The following LMNB2 variants were observed in gnomAD, a reference collection of about 807,000 sequenced individuals.
LMNB2 encodes the protein lamin B2.
Under a neutral mutation model 69.3 loss-of-function variants are expected in LMNB2, and 17 were observed. The observed-to-expected ratio is 0.25, with a 90% CI of 0.17 to 0.37. The LOEUF (loss-of-function observed/expected upper bound fraction) is 0.37. Ranked by LOEUF, LMNB2 falls within the 10% of genes least tolerant of loss-of-function variation. The pLI is 1.00. For missense variants in LMNB2, 789 were observed against 883.6 expected, an observed-to-expected ratio of 0.89 and a Z score of 1.36; for synonymous variants, 397 against 389.3, an observed-to-expected ratio of 1.02 and a Z score of -0.23.
At chr19:2,440,163 G>A (rs1971879931) in intron 2 of LMNB2, among the ~76,000 whole-genome samples, 1 of 150,834 alleles carries the variant, frequency 6.6e-6, no homozygotes, top group African/African-American at 2.4e-5. Flanking sequence ...ATCTATGTCC[G>A]TATATATCAA....
Position 2,430,803 on chromosome 19 carries a change from G to C in LMNB2, c.*108C>G. ...ACCCACCCACACGTTCTGGCAGTTC[G>C]CTTAGAAATTCTCTAGAAATGTATC... On this transcript the variant is annotated 3_prime_UTR_variant, in exon 12 of 12. Coordinates refer to ENST00000325327, the MANE Select transcript of LMNB2 (RefSeq NM_032737.4). The C allele has an allele frequency of 1.2e-6, 1 of 858,484 alleles. No individual in the cohort carries two copies. Among genetic ancestry groups the C allele is most frequent in the South Asian group, 1.3e-5 (1 of 74,614 alleles). 53.2% of individuals were successfully genotyped at this position (858,484 alleles called of 1,614,324 possible).
chr19:2,444,219 A>G (rs77019398), intron 2 of LMNB2, among the ~76,000 whole-genome samples, 185 bp downstream of exon 2: 2,580 of 152,290 alleles, frequency 0.017, 36 homozygotes, highest in Non-Finnish European at 0.023. Context: ...GTGAGCATCT[A>G]TCACTTTCCT....
In LMNB2 at chr19:2,434,814, A is replaced by G. The variant is rs1971799552; in HGVS notation, c.955T>C (p.Tyr319His). 4.4e-6 allele frequency: 7 copies of G among 1,608,730 alleles called. No individual in the cohort carries two copies. Among genetic ancestry groups the G allele is most frequent in the Non-Finnish European group, 5.1e-6 (6 of 1,178,864 alleles). Reference protein sequence around the residue: ...EARMRLESLSYQLSGLQKQAS... With the variant: ...EARMRLESLSHQLSGLQKQAS... ...TGCTTCTGGAGGCCGGAGAGCTGGT[A>G]GCTGAGGGACTCCAGGCGCATGCGG... Residue 319 changes from tyrosine (Y) to histidine (H), a missense_variant, in exon 6 of 12, where the codon TAC becomes CAC. This residue lies in a region of LMNB2 where 609 missense variants were observed against 630.9 expected (regional missense o/e 0.97). Transcript: ENST00000325327.
intron 1 of LMNB2, among the ~76,000 whole-genome samples, chr19:2,454,037 A>C (rs555757164): frequency 6.6e-6 from 1 of 152,254 alleles, no homozygotes; most frequent in South Asian, 2.1e-4. Flanking sequence ...TCACACCTGT[A>C]ATCCCAGTAC....
At chr19:2,440,189 T>C (rs1000727407) in intron 2 of LMNB2, among the ~76,000 whole-genome samples, 2 of 151,086 alleles carry the variant, frequency 1.3e-5, no homozygotes, top group African/African-American at 4.9e-5. Flanking sequence ...CAGATGGCTG[T>C]ATCTTTTTTT....
Position 2,431,544 on chromosome 19 carries a change from C to T in LMNB2, c.1821+4G>A, listed in dbSNP as rs779811801. ...CCAGCCGCAAGTGGGCACAGGGGTC[C>T]TACCTGTTGGTGGAAAAGATCCTCC... On this transcript the variant is annotated splice_donor_region_variant and intron_variant, in intron 11 of 11. Transcript: ENST00000325327. 51 of 1,613,920 alleles carry T rather than the reference C, an allele frequency of 3.2e-5. No individual in the cohort carries two copies. Among genetic ancestry groups the T allele is most frequent in the Admixed American group, 1.5e-4 (9 of 60,010 alleles).
At position 2,447,004 on chromosome 19, in the gene LMNB2, CGTG is replaced by C. The variant is rs529680309; in HGVS notation, c.265-2467_265-2465del. On this transcript the variant is annotated intron_variant, in intron 1 of 11. Coordinates refer to ENST00000325327, the MANE Select transcript of LMNB2 (RefSeq NM_032737.4). The surrounding 1 kb of genome is among the most constrained non-coding windows in gnomAD (Gnocchi z 4.4). ...AAAAACATACAAAAAATTAGCCAGG[CGTG>C]GTGGTGGGCGCCTGTGGTCCCAGCT... Among the ~76,000 whole-genome samples, 657 of 151,728 alleles carry C rather than the reference CGTG, an allele frequency of 4.3e-3. 5 individuals are homozygous for C. Among genetic ancestry groups the C allele is most frequent in the Middle Eastern group, 0.024 (7 of 294 alleles).
Position 2,432,520 on chromosome 19 carries a change from G to C in LMNB2, c.1486C>G (p.Gln496Glu), listed in dbSNP as rs1204856795. Residue 496 changes from glutamine to glutamate, a missense_variant, in exon 9 of 12, where the codon CAG becomes GAG. This residue lies in a region of LMNB2 where 609 missense variants were observed against 630.9 expected (regional missense o/e 0.97). Transcript: ENST00000325327. ...TTGATTCTCCAGTTCCCCAGAGACT[G>C]ATCCTGGAAGACACGGCACACACCT... Reference protein sequence around the residue: ...VQLKNNSDKDQSLGNWRIKRQ... With the variant: ...VQLKNNSDKDESLGNWRIKRQ... 6.2e-7 allele frequency: 1 copy of C among 1,612,172 alleles called. No homozygotes were observed. Among genetic ancestry groups the C allele is most frequent in the South Asian group, 1.1e-5 (1 of 91,068 alleles).
At chr19:2,436,232 G>A (rs1051103498) in intron 4 of LMNB2, among the ~76,000 whole-genome samples, 21 of 152,136 alleles carry the variant, frequency 1.4e-4, no homozygotes, top group Non-Finnish European at 2.9e-4. Flanking sequence ...GCAGTGAGCT[G>A]AGATCATGCC....
intron 1 of LMNB2, among the ~76,000 whole-genome samples, chr19:2,454,478 G>A (rs984805102): frequency 3.3e-5 from 5 of 151,976 alleles, no homozygotes; most frequent in African/African-American, 7.3e-5. Context: ...ACAAGTAAGA[G>A]GTGGGTATTA....
At position 2,436,534 on chromosome 19, in the gene LMNB2, C is replaced by T. The variant is rs778919895; in HGVS notation, c.685-1363G>A. Among the ~76,000 whole-genome samples, 629 of 150,020 alleles carry T rather than the reference C, an allele frequency of 4.2e-3. 2 individuals are homozygous for T. The highest frequency in any genetic ancestry group is 7.4e-3 in the Middle Eastern group (2 of 270). ...CTCCACGGCCGCCCTCCCGCCTCCA[C>T]GGCCGCGCACCCGCCTGCACAGCCG... On this transcript the variant is annotated intron_variant, in intron 4 of 11. Transcript: ENST00000325327.
At chr19:2,442,064 G>T (rs897401734) in intron 2 of LMNB2, among the ~76,000 whole-genome samples, 3 of 152,198 alleles carry the variant, frequency 2.0e-5, no homozygotes, top group African/African-American at 7.2e-5. Flanking sequence ...CTTCAGCTGG[G>T]TGCCCGGGGT....
chr19:2,451,139 G>A (rs1972017072), intron 1 of LMNB2, among the ~76,000 whole-genome samples: 1 of 152,138 alleles, frequency 6.6e-6, no homozygotes, highest in South Asian at 2.1e-4. Context: ...TACTGGGGAG[G>A]CTGAGGCACA....
Position 2,434,849 on chromosome 19 carries a change from A to G in LMNB2, c.920T>C (p.Leu307Pro). 1 of 1,608,378 alleles carries G rather than the reference A, an allele frequency of 6.2e-7. No homozygotes were observed. The highest frequency in any genetic ancestry group is 8.5e-7 in the Non-Finnish European group (1 of 1,179,256). Residue 307 changes from leucine (L) to proline (P), a missense_variant, in exon 6 of 12, where the codon CTG becomes CCG. Leu to Pro is a moderately conservative substitution (Grantham distance 98). Around this residue, in one of 3 missense-constraint regions of LMNB2, gnomAD observed 609 missense variants for 630.9 expected, o/e 0.97. Transcript: ENST00000325327. ...DKAASAAREE[L>P]KEARMRLESL... ...CTCCAGGCGCATGCGGGCCTCCTTC[A>G]GCTCCTCGCGAGCCGCACTGGCCGC...
chr19:2,451,335 A>G (rs1972019049), intron 1 of LMNB2, among the ~76,000 whole-genome samples: 2 of 152,236 alleles, frequency 1.3e-5, no homozygotes, highest in African/African-American at 4.8e-5. Flanking sequence ...TGTATAAATA[A>G]AGTTTTATTG....
Position 2,453,112 on chromosome 19 carries a change from C to T in LMNB2, c.264+3558G>A, listed in dbSNP as rs1972047707. On this transcript the variant is annotated intron_variant, in intron 1 of 11. Coordinates refer to ENST00000325327, the MANE Select transcript of LMNB2 (RefSeq NM_032737.4). This position sits in a 1 kb window ranked among gnomAD's most constrained non-coding sequence, Gnocchi z 4.4. ...GAGGGCTGCGTCATCCTCGTGGGGG[C>T]CAGGTGATTCTCTTCTCGGGGCGCT... is the stretch of plus-strand genomic sequence containing the variant. 6.6e-6 allele frequency among the ~76,000 whole-genome samples: 1 copy of T among 151,916 alleles called. No individual in the cohort carries two copies. Among genetic ancestry groups the T allele is most frequent in the South Asian group, 2.1e-4 (1 of 4,822 alleles).
At chr19:2,451,469 T>C (rs1362084046) in intron 1 of LMNB2, among the ~76,000 whole-genome samples, 1 of 152,198 alleles carries the variant, frequency 6.6e-6, no homozygotes, top group East Asian at 1.9e-4. Flanking sequence ...CCATGCCTGG[T>C]CTGCCGTGCT....
intron 1 of LMNB2, among the ~76,000 whole-genome samples, chr19:2,455,935 C>G (rs943537579): frequency 1.2e-4 from 18 of 150,230 alleles, no homozygotes; most frequent in African/African-American, 4.2e-4. Flanking sequence ...CCCCTTGAAA[C>G]CCCCTGGAGA....
rs7256927 is a variant in LMNB2, at chr19:2,441,765, C to T, written c.401+2639G>A. ...GGCTGGAGTGGGGCTGGGAGACAAC[C>T]CTGGGGGCAGAGACCTGAAGGAGCA... On this transcript the variant is annotated intron_variant, in intron 2 of 11. Transcript: ENST00000325327. 2.2e-3 allele frequency among the ~76,000 whole-genome samples: 333 copies of T among 152,310 alleles called. 1 individual carries two copies. Among genetic ancestry groups the T allele is most frequent in the African/African-American group, 7.7e-3 (321 of 41,562 alleles).
Sources: gnomAD v4.1 joint callset for allele counts (sites outside exome capture counted in the v4.1 genomes callset) on GRCh38, gnomAD v4.1.1 for gene constraint, gnomAD v4.1.1 regional missense constraint, Gnocchi (gnomAD v3.1) non-coding constraint, MANE v1.5 for transcripts, NCBI Gene and HGNC (gene_info 2026-07-23, HGNC 2026-07-21) for gene names.